RNF216: variants seen among roughly 807,000 people sequenced by gnomAD.
RNF216 encodes E3 ubiquitin-protein ligase RNF216.
Under a neutral mutation model 110.8 loss-of-function variants are expected in RNF216, and 72 were observed. The ratio of observed to expected loss-of-function variants is 0.65; its 90% CI spans 0.54 to 0.79. The LOEUF (loss-of-function observed/expected upper bound fraction) is 0.79. Among genes scored for constraint, RNF216 ranks in the 30% least tolerant of loss-of-function variants. RNF216 has a pLI of 0.00. For missense variants in RNF216, 1,342 were observed against 1,141.2 expected, an observed-to-expected ratio of 1.18 and a Z score of -2.54; for synonymous variants, 495 against 407.5, an observed-to-expected ratio of 1.21 and a Z score of -2.59.
intron 2 of RNF216, among the ~76,000 whole-genome samples, chr7:5,758,833 C>A (rs1008588555): frequency 3.9e-5 from 6 of 152,020 alleles, no homozygotes; most frequent in African/African-American, 1.5e-4. Context: ...TGAGTTAATG[C>A]TAGAATGAGT....
At chr7:5,665,456 G>A (rs1379990337) in intron 13 of RNF216, among the ~76,000 whole-genome samples, 1 of 152,142 alleles carries the variant, frequency 6.6e-6, no homozygotes, top group African/African-American at 2.4e-5. Context: ...AAGAAATCTT[G>A]AAGTGTTATT....
chr7:5,626,731 G>A (rs566073857), intron 15 of RNF216, among the ~76,000 whole-genome samples: 1 of 152,196 alleles, frequency 6.6e-6, no homozygotes, highest in South Asian at 2.1e-4. Context: ...AGGGCCGTGG[G>A]CCTACACCTC....
chr7:5,733,663 C>CAAAAAAAAAAAAAAA (rs75175715), intron 5 of RNF216, among the ~76,000 whole-genome samples: 2 of 113,806 alleles, frequency 1.8e-5, no homozygotes, highest in Admixed American at 8.4e-5. Context: ...AAACATTAAC[C>CAAAAAAAAAAAAAAA]AAAAAAAAAA....
chr7:5,653,266 T>C (rs896514763), intron 13 of RNF216, among the ~76,000 whole-genome samples: 1 of 152,194 alleles, frequency 6.6e-6, no homozygotes, highest in East Asian at 1.9e-4. Context: ...AATGCTTTCA[T>C]ATGTGCCAGA....
chr7:5,781,107 G>C (rs1486062942), intron 1 of RNF216, among the ~76,000 whole-genome samples: 3 of 152,178 alleles, frequency 2.0e-5, no homozygotes, highest in Admixed American at 2.0e-4. Context: ...GAAAAACGCC[G>C]CCCGCCTGGG....
At chr7:5,746,244 T>C (rs1041751207) in intron 3 of RNF216, among the ~76,000 whole-genome samples, 7 of 152,182 alleles carry the variant, frequency 4.6e-5, no homozygotes, top group Non-Finnish European at 8.8e-5. Context: ...GAGAGAGCAT[T>C]TGACTTTGCA....
chr7:5,741,371 C>G lies in RNF216; in HGVS notation c.646G>C (p.Ala216Pro), dbSNP rs1262279961. 5 of 1,614,076 alleles carry G rather than the reference C, an allele frequency of 3.1e-6. No individual in the cohort carries two copies. The African/African-American group carries it at 4.0e-5, about 13-fold the overall frequency. The change falls in exon 4 of 17, where the codon GCT becomes CCT. Residue 216 changes from alanine to proline, a missense_variant. Coordinates refer to ENST00000389902, the MANE Select transcript of RNF216 (RefSeq NM_207111.4). ...ATGGCCTGATCATCTGCTAGAGCAG[C>G]TGACTCTCCTAGATTTGATAACAGC... The part of the protein sequence containing the change: ...TELLSNLGES[A>P]ALADDQAIEE...
At chr7:5,695,688 A>C (rs968024608) in intron 13 of RNF216, among the ~76,000 whole-genome samples, 3 of 152,220 alleles carry the variant, frequency 2.0e-5, no homozygotes, top group African/African-American at 7.2e-5. Context: ...GCCACAGAAT[A>C]GTGTTCTCCC....
At chr7:5,755,532 A>C (rs1364745873) in intron 2 of RNF216, among the ~76,000 whole-genome samples, 1 of 152,190 alleles carries the variant, frequency 6.6e-6, no homozygotes, top group African/African-American at 2.4e-5. Context: ...CTTCGTCCTC[A>C]AAGGGAGGAT....
chr7:5,729,972 CA>C (rs1361471623), intron 6 of RNF216, among the ~76,000 whole-genome samples: 3 of 152,218 alleles, frequency 2.0e-5, no homozygotes, highest in African/African-American at 7.2e-5. Flanking sequence ...AGTTAGTTCT[CA>C]ACCATACTTG....
At chr7:5,743,288 T>C (rs1794864233) in intron 3 of RNF216, among the ~76,000 whole-genome samples, 1 of 151,882 alleles carries the variant, frequency 6.6e-6, no homozygotes, top group South Asian at 2.1e-4. Context: ...CACAAATACA[T>C]AAATATAAAT....
At chr7:5,656,883 G>A (rs765655765) in intron 13 of RNF216, among the ~76,000 whole-genome samples, 21 of 152,272 alleles carry the variant, frequency 1.4e-4, no homozygotes, top group South Asian at 8.3e-4. Flanking sequence ...GTAGACAAAT[G>A]TATCCGGCCA....
intron 3 of RNF216, among the ~76,000 whole-genome samples, chr7:5,750,621 G>C (rs1427325238): frequency 6.6e-6 from 1 of 152,190 alleles, no homozygotes; most frequent in African/African-American, 2.4e-5. Flanking sequence ...AAATCGCAAG[G>C]AATAAGTCTC....
At chr7:5,627,408 G>A (rs116087055) in intron 15 of RNF216, among the ~76,000 whole-genome samples, 7 of 152,054 alleles carry the variant, frequency 4.6e-5, no homozygotes, top group Admixed American at 1.3e-4. Context: ...ACGTTCCAAC[G>A]GGCACCTCTC....
intron 13 of RNF216, among the ~76,000 whole-genome samples, chr7:5,658,462 G>A (rs2128582557): frequency 6.6e-6 from 1 of 152,080 alleles, no homozygotes; most frequent in East Asian, 1.9e-4. Context: ...TTTGAGACCA[G>A]CCTGGCAAAC....
chr7:5,691,758 G>A (rs895883629), intron 13 of RNF216, among the ~76,000 whole-genome samples: 6 of 152,222 alleles, frequency 3.9e-5, no homozygotes, highest in African/African-American at 1.4e-4. Context: ...AGTTACTAGT[G>A]TATGAAATTG....
chr7:5,686,822 ACT>A (rs1448638061), intron 13 of RNF216, among the ~76,000 whole-genome samples: 4 of 152,064 alleles, frequency 2.6e-5, no homozygotes, highest in Non-Finnish European at 2.9e-5. Flanking sequence ...CAGGCATTAG[ACT>A]CTCATAAGGA....
chr7:5,649,893 C>T (rs1788283085), intron 14 of RNF216: 1 of 152,202 alleles, frequency 6.6e-6, no homozygotes. Context: ...AATGCTTTTC[C>T]TGTCTGTTCG....
chr7:5,647,165 T>C (rs1184572426), intron 14 of RNF216, among the ~76,000 whole-genome samples: 1 of 151,942 alleles, frequency 6.6e-6, no homozygotes, highest in African/African-American at 2.4e-5. Flanking sequence ...TTTGCCAGGT[T>C]AATTCTTGCT....
Sources: gnomAD v4.1 joint callset for allele counts (sites outside exome capture counted in the v4.1 genomes callset) on GRCh38, gnomAD v4.1.1 for gene constraint, MANE v1.5 for transcripts, NCBI Gene and HGNC (gene_info 2026-07-23, HGNC 2026-07-21) for gene names.